FGD4: variants seen among roughly 807,000 people sequenced by gnomAD.
FGD4 encodes FYVE, RhoGEF and PH domain-containing protein 4.
FGD4 carries 42 observed loss-of-function variants against 102.0 expected under a neutral mutation model. The ratio of observed to expected loss-of-function variants is 0.41; its 90% CI spans 0.32 to 0.53. The LOEUF (loss-of-function observed/expected upper bound fraction) is 0.53. Among genes scored for constraint, FGD4 ranks in the 20% least tolerant of loss-of-function variants. FGD4 has a pLI of 0.21. For missense variants in FGD4, 902 were observed against 1,078.2 expected (o/e 0.84, Z 2.29); for synonymous variants, 380 against 375.7 (o/e 1.01, Z -0.13).
At chr12:32,593,096 A>G (rs937207284) in intron 4 of FGD4, among the ~76,000 whole-genome samples, 2 of 152,194 alleles carry the variant, frequency 1.3e-5, no homozygotes, top group Admixed American at 1.3e-4. Context: ...GACCTTGGGT[A>G]AGTAACCTGG....
At position 32,642,739 on chromosome 12, in the gene FGD4, C is replaced by G. The variant is rs1215314848; in HGVS notation, c.*2206C>G. The G allele has an allele frequency of 2.0e-5, 3 of 152,120 alleles. No homozygotes were observed. Among genetic ancestry groups the G allele is most frequent in the African/African-American group, 7.2e-5 (3 of 41,446 alleles). 9.4% of individuals were successfully genotyped at this position (152,120 alleles called of 1,614,324 possible). On this transcript the variant is annotated 3_prime_UTR_variant, in exon 17 of 17. Coordinates refer to ENST00000534526, the MANE Select transcript of FGD4 (RefSeq NM_001370298.3). ...TCTGGTTATCCGGTCACCATATTCA[C>G]TTTCCACCCCACATTCTTCAGCTAA... is the stretch of plus-strand genomic sequence containing the variant.
chr12:32,410,421 G>T (rs372412647), intron 1 of FGD4, among the ~76,000 whole-genome samples: 2 of 152,132 alleles, frequency 1.3e-5, no homozygotes, highest in Admixed American at 6.5e-5. Context: ...CGAGGCTGAG[G>T]CTGCAGTGAC....
intron 1 of FGD4, among the ~76,000 whole-genome samples, chr12:32,481,437 T>C (rs547351048): frequency 4.7e-4 from 71 of 152,306 alleles, no homozygotes; most frequent in African/African-American, 1.6e-3. Flanking sequence ...TTTTTGCAAC[T>C]TCCTATGAGT....
At chr12:32,449,763 G>GGTCT (rs1942717092) in intron 1 of FGD4, among the ~76,000 whole-genome samples, 1 of 151,864 alleles carries the variant, frequency 6.6e-6, no homozygotes, top group African/African-American at 2.4e-5. Flanking sequence ...TTTGAGACAG[G>GGTCT]GTCTGGCTCT....
At position 32,399,797 on chromosome 12, in the gene FGD4, A is replaced by G; in HGVS notation, c.4A>G (p.Ser2Gly). The change falls in exon 1 of 17, where the codon AGC (serine) becomes GGC (glycine). Residue 2 changes from serine to glycine, a missense_variant. Around this residue, in one of 2 missense-constraint regions of FGD4, gnomAD observed 443 missense variants for 459.2 expected, o/e 0.96. Transcript: ENST00000534526. ...AGCGGCGGTCGAGCCCGGCAGGATG[A>G]GCGACGAGGGCGGCTCCAACTTCAG... M[S>G]DEGGSNFRRV... 1 of 1,530,478 alleles carries G rather than the reference A, an allele frequency of 6.5e-7. No homozygotes were observed. The highest frequency in any genetic ancestry group is 8.7e-7 in the Non-Finnish European group (1 of 1,145,158). The allele number at this position is 1,530,478 out of a possible 1,614,324, so 94.8% of individuals were successfully genotyped here. A position where few individuals can be genotyped will look rare whatever the true frequency, so the allele number is the denominator to read the frequency against.
At chr12:32,417,520 C>T (rs903953645) in intron 1 of FGD4, among the ~76,000 whole-genome samples, 2 of 151,840 alleles carry the variant, frequency 1.3e-5, no homozygotes, top group Non-Finnish European at 2.9e-5. Context: ...TACAATGGTG[C>T]GATCTTGGCT....
rs1951386053 is a variant in FGD4 at position 32,646,019 on chromosome 12, G to C, written c.*5486G>C. 2.0e-5 allele frequency: 3 copies of C among 152,108 alleles called. No individual in the cohort carries two copies. The South Asian group carries it at 6.2e-4, about 32-fold the overall frequency. The allele number at this position is 152,108 out of a possible 1,614,324, so 9.4% of individuals were successfully genotyped here. The stretch of plus-strand genomic sequence containing the variant: ...AATTCCTATTAAATATTAAACATTT[G>C]TATCTTGTAAATAAACACATCCTTA... On this transcript the variant is annotated 3_prime_UTR_variant, in exon 17 of 17. Transcript: ENST00000534526.
intron 1 of FGD4, among the ~76,000 whole-genome samples, chr12:32,434,818 G>C (rs994094952): frequency 1.3e-5 from 2 of 152,200 alleles, no homozygotes; most frequent in Non-Finnish European, 2.9e-5. Context: ...GTTTTGACCA[G>C]ATTTTGTCAG....
At chr12:32,601,023 A>G (rs2136645861) in intron 5 of FGD4, among the ~76,000 whole-genome samples, 1 of 152,344 alleles carries the variant, frequency 6.6e-6, no homozygotes, top group East Asian at 1.9e-4. Context: ...TGGCACAGAA[A>G]AGGTGAATTA....
At chr12:32,599,276 C>T (rs1948157057) in intron 5 of FGD4, among the ~76,000 whole-genome samples, 1 of 150,496 alleles carries the variant, frequency 6.6e-6, no homozygotes, top group Admixed American at 6.6e-5. Context: ...GGGCGGATCA[C>T]GAGGTCAGGA....
At position 32,625,087 on chromosome 12, in the gene FGD4, T is replaced by G. The variant is rs973279029; in HGVS notation, c.2046+19T>G. The G allele has an allele frequency of 6.3e-7, 1 of 1,594,068 alleles. No homozygotes were observed. The highest frequency in any genetic ancestry group is 8.6e-7 in the Non-Finnish European group (1 of 1,163,038). On this transcript the variant is annotated intron_variant, in intron 13 of 16. Transcript: ENST00000534526. Reference sequence around the variant, plus strand: ...GGTTTCTGTGAGTTGAATTAAATTCTTAACTTCAACCTCTTTCATATCTTT... The same window carrying G: ...GGTTTCTGTGAGTTGAATTAAATTCGTAACTTCAACCTCTTTCATATCTTT...
chr12:32,474,550 C>G (rs1342829622), intron 1 of FGD4, among the ~76,000 whole-genome samples: 1 of 152,096 alleles, frequency 6.6e-6, no homozygotes, highest in African/African-American at 2.4e-5. Flanking sequence ...AATCTATAGA[C>G]AGAAAGATTA....
chr12:32,452,733 C>G (rs934368107), intron 1 of FGD4, among the ~76,000 whole-genome samples: 2 of 152,080 alleles, frequency 1.3e-5, no homozygotes, highest in African/African-American at 4.8e-5. Context: ...GTCTGTAATC[C>G]CAGCACTTTG....
At chr12:32,622,055 CT>C (rs1949873802) in intron 11 of FGD4, among the ~76,000 whole-genome samples, 1 of 152,038 alleles carries the variant, frequency 6.6e-6, no homozygotes, top group African/African-American at 2.4e-5. Flanking sequence ...GCCCGACTAA[CT>C]TTTGTATTTT....
At chr12:32,563,247 G>A (rs910535760) in intron 1 of FGD4, among the ~76,000 whole-genome samples, 12 of 150,874 alleles carry the variant, frequency 8.0e-5, no homozygotes, top group African/African-American at 2.7e-4. Flanking sequence ...TCTCAGACGG[G>A]GCGGTTGCCA....
At chr12:32,594,604 C>T (rs147628798) in intron 4 of FGD4, among the ~76,000 whole-genome samples, 99 of 152,294 alleles carry the variant, frequency 6.5e-4, no homozygotes, top group African/African-American at 1.5e-3. Flanking sequence ...TCCACAGAAC[C>T]GGTCCCTGGT....
intron 1 of FGD4, among the ~76,000 whole-genome samples, chr12:32,466,608 C>T (rs1182450814): frequency 3.3e-5 from 5 of 152,048 alleles, no homozygotes; most frequent in Non-Finnish European, 5.9e-5. Flanking sequence ...TGGCTCACAG[C>T]TGAAATTCTA....
intron 1 of FGD4, among the ~76,000 whole-genome samples, chr12:32,526,083 C>T: frequency 6.6e-6 from 1 of 152,266 alleles, no homozygotes; most frequent in Non-Finnish European, 1.5e-5. Flanking sequence ...TGGCAGGCAG[C>T]TCCACCTGCA....
intron 1 of FGD4, among the ~76,000 whole-genome samples, chr12:32,425,227 C>T (rs1486930505): frequency 6.6e-6 from 1 of 152,138 alleles, no homozygotes; most frequent in Non-Finnish European, 1.5e-5. Flanking sequence ...AGTTTTTAAT[C>T]CATCTTGAGT....
Sources: allele counts gnomAD v4.1 joint callset (sites outside exome capture counted in the v4.1 genomes callset), GRCh38; gene constraint gnomAD v4.1.1; regional missense constraint gnomAD v4.1.1; transcripts MANE v1.5; gene names NCBI Gene and HGNC (gene_info 2026-07-23, HGNC 2026-07-21).